The following ERC1 variants were observed in gnomAD, a reference collection of about 807,000 sequenced individuals.
ERC1 encodes the protein ELKS/RAB6-interacting/CAST family member 1, also known as RAB6 interacting protein 2.
In ERC1, 56 loss-of-function variants were observed where a neutral mutation model predicts 132.0. That is an observed-to-expected ratio of 0.42 (90% confidence interval 0.34 to 0.53). The LOEUF is 0.53. ERC1 is among the 20% of genes least tolerant of loss of function. ERC1 has a pLI of 0.03. For missense variants in ERC1, 1,202 were observed against 1,349.9 expected, an observed-to-expected ratio of 0.89 and a Z score of 1.72; for synonymous variants, 478 against 476.1, an observed-to-expected ratio of 1.00 and a Z score of -0.05.
chr12:1,294,074 A>G (rs535895083), intron 15 of ERC1, among the ~76,000 whole-genome samples: 3 of 152,328 alleles, frequency 2.0e-5, no homozygotes, highest in South Asian at 4.1e-4. Context: ...CAAAGTTTAT[A>G]TCTACAATCA....
chr12:1,112,697 T>C (rs994592615), intron 6 of ERC1, among the ~76,000 whole-genome samples: 3 of 152,240 alleles, frequency 2.0e-5, no homozygotes, highest in African/African-American at 7.2e-5. Context: ...AATTTGAAAC[T>C]CTTGAGCAAA....
At chr12:1,126,986 C>CAAAAAAAAAAAAAAAAAAAAAA (rs71055135) in intron 7 of ERC1, among the ~76,000 whole-genome samples, 8 of 114,206 alleles carry the variant, frequency 7.0e-5, no homozygotes, top group Non-Finnish European at 8.6e-5. Context: ...GATTCTGTCT[C>CAAAAAAAAAAAAAAAAAAAAAA]AAAAAAAAAA....
intron 1 of ERC1, among the ~76,000 whole-genome samples, chr12:1,023,131 T>C (rs933958039): frequency 6.6e-6 from 1 of 152,180 alleles, no homozygotes; most frequent in Non-Finnish European, 1.5e-5. Context: ...GAGAATGGAC[T>C]AATACAGGAC....
intron 1 of ERC1, among the ~76,000 whole-genome samples, chr12:1,019,778 T>C (rs560426462): frequency 1.7e-4 from 26 of 152,300 alleles, no homozygotes; most frequent in Non-Finnish European, 3.2e-4. Flanking sequence ...AGTGGAACTA[T>C]CGTGGCTCGC....
At chr12:1,354,278 C>T (rs2085312620) in intron 15 of ERC1, among the ~76,000 whole-genome samples, 1 of 152,062 alleles carries the variant, frequency 6.6e-6, no homozygotes, top group African/African-American at 2.4e-5. Context: ...AATCCCAGCA[C>T]TTTGGGAGGC....
intron 17 of ERC1, among the ~76,000 whole-genome samples, chr12:1,442,583 T>A (rs1277789893): frequency 6.6e-6 from 1 of 152,232 alleles, no homozygotes; most frequent in South Asian, 2.1e-4. Flanking sequence ...CTGTGTAATA[T>A]ACTGTATAGG....
chr12:1,171,096 T>C (rs746415319), intron 8 of ERC1, among the ~76,000 whole-genome samples: 1 of 152,208 alleles, frequency 6.6e-6, no homozygotes, highest in Non-Finnish European at 1.5e-5. Context: ...CACTCCATGA[T>C]CTGTACTATG....
At chr12:1,175,186 G>T (rs914347810) in intron 8 of ERC1, among the ~76,000 whole-genome samples, 1 of 152,162 alleles carries the variant, frequency 6.6e-6, no homozygotes, top group Non-Finnish European at 1.5e-5. Flanking sequence ...ACTGATCAGG[G>T]TGGTAGTTGC....
intron 15 of ERC1, among the ~76,000 whole-genome samples, chr12:1,328,832 C>T (rs896942839): frequency 1.2e-4 from 14 of 120,496 alleles, no homozygotes; most frequent in Non-Finnish European, 2.1e-4. Flanking sequence ...TTAGGAGCAT[C>T]TAATTCAGTG....
intron 16 of ERC1, among the ~76,000 whole-genome samples, chr12:1,397,980 A>G (rs575771958): frequency 4.5e-4 from 69 of 152,150 alleles, no homozygotes; most frequent in Non-Finnish European, 3.5e-4. Flanking sequence ...AACTCCAAGT[A>G]AAAGAACAAA....
chr12:1,298,064 C>T lies in ERC1; in HGVS notation c.2780+8052C>T, dbSNP rs184213486. Among the ~76,000 whole-genome samples, 8 of 152,094 alleles carry T rather than the reference C, an allele frequency of 5.3e-5. No individual in the cohort carries two copies. In the East Asian group the frequency reaches 1.5e-3, roughly 29 times the overall value. ...TTCTGTTTGTGCCACTGCACACTAG[C>T]ATGGTTGACAGAGTAAAACCTGGTC... is the stretch of plus-strand genomic sequence containing the variant. On this transcript the variant is annotated intron_variant, in intron 15 of 18. Coordinates refer to ENST00000360905, the MANE Select transcript of ERC1 (RefSeq NM_178040.4).
At chr12:1,316,819 A>T (rs1394625854) in intron 15 of ERC1, among the ~76,000 whole-genome samples, 1 of 152,246 alleles carries the variant, frequency 6.6e-6, no homozygotes, top group East Asian at 1.9e-4. Context: ...AATAGCAAAG[A>T]CTTGGAACCA....
chr12:1,103,367 C>T (rs1298016752), intron 3 of ERC1, among the ~76,000 whole-genome samples: 2 of 152,046 alleles, frequency 1.3e-5, no homozygotes, highest in African/African-American at 4.8e-5. Flanking sequence ...TAGTTGGAGT[C>T]GAATGGGGAG....
intron 17 of ERC1, among the ~76,000 whole-genome samples, chr12:1,421,468 T>A (rs996657938): frequency 6.6e-6 from 1 of 152,008 alleles, no homozygotes; most frequent in Non-Finnish European, 1.5e-5. Context: ...ATCATAGAGG[T>A]GTCAAAAGCT....
intron 12 of ERC1, among the ~76,000 whole-genome samples, chr12:1,221,608 C>T (rs981147623): frequency 1.3e-5 from 2 of 151,952 alleles, no homozygotes; most frequent in East Asian, 1.9e-4. Context: ...AATATGGTTC[C>T]GTGAAAATAA....
intron 17 of ERC1, among the ~76,000 whole-genome samples, chr12:1,428,958 T>C (rs1365822357): frequency 6.6e-6 from 1 of 152,228 alleles, no homozygotes; most frequent in Admixed American, 6.5e-5. Context: ...GTAGCTGCAC[T>C]GTATCCCTGG....
At position 1,440,428 on chromosome 12, in the gene ERC1, G is replaced by C. The variant is rs58573421; in HGVS notation, c.3025-4134G>C. Reference sequence around the variant, plus strand: ...TCACCGTGTTAGCCAGGATGGTCTCGATCTCCTGACCTCGTGATCTGCCCT... The same window carrying C: ...TCACCGTGTTAGCCAGGATGGTCTCCATCTCCTGACCTCGTGATCTGCCCT... On this transcript the variant is annotated intron_variant, in intron 17 of 18. Transcript: ENST00000360905. 5.1e-3 allele frequency among the ~76,000 whole-genome samples: 757 copies of C among 149,140 alleles called. 20 individuals carry two copies. The highest frequency in any genetic ancestry group is 0.013 in the African/African-American group (539 of 40,196).
At position 1,490,377 on chromosome 12, in the gene ERC1, G is replaced by A. The variant is rs537486726; in HGVS notation, c.*147G>A. On this transcript the variant is annotated 3_prime_UTR_variant, in exon 19 of 19. Coordinates refer to ENST00000360905, the MANE Select transcript of ERC1 (RefSeq NM_178040.4). Reference sequence around the variant, plus strand: ...CTTGAAGAAGTGTGATTCCAGCACCGTTTCTACATCTGCCATCTTACTCTG... The same window carrying A: ...CTTGAAGAAGTGTGATTCCAGCACCATTTCTACATCTGCCATCTTACTCTG... 3.5e-5 allele frequency: 26 copies of A among 734,870 alleles called. No individual in the cohort carries two copies. Among genetic ancestry groups the A allele is most frequent in the Middle Eastern group, 3.9e-4 (1 of 2,586 alleles). 45.5% of individuals were successfully genotyped at this position (734,870 alleles called of 1,614,324 possible). A position where few individuals can be genotyped will look rare whatever the true frequency, so the allele number is the denominator to read the frequency against.
chr12:1,252,536 G>T (rs2076532912), intron 13 of ERC1, among the ~76,000 whole-genome samples: 1 of 152,094 alleles, frequency 6.6e-6, no homozygotes, highest in South Asian at 2.1e-4. Context: ...TGTACTCTAT[G>T]CTCTGTAAAA....
Sources: gnomAD v4.1 joint callset for allele counts (sites outside exome capture counted in the v4.1 genomes callset) on GRCh38, gnomAD v4.1.1 for gene constraint, MANE v1.5 for transcripts, NCBI Gene and HGNC (gene_info 2026-07-23, HGNC 2026-07-21) for gene names.